MARK1: variants seen among roughly 807,000 people sequenced by gnomAD.
MARK1 encodes microtubule affinity regulating kinase 1.
In MARK1, 40 loss-of-function variants were observed where a neutral mutation model predicts 96.3. The ratio of observed to expected loss-of-function variants is 0.42; its 90% CI spans 0.32 to 0.54. The LOEUF (loss-of-function observed/expected upper bound fraction) is 0.54. Among genes scored for constraint, MARK1 ranks in the 20% least tolerant of loss-of-function variants. The pLI is 0.16. For synonymous variants in MARK1, 317 were observed against 341.2 expected (o/e 0.93, Z 0.78); for missense variants, 719 against 984.6 (o/e 0.73, Z 3.61).
intron 14 of MARK1, among the ~76,000 whole-genome samples, chr1:220,651,668 C>T (rs1439260014): frequency 6.6e-6 from 1 of 152,126 alleles, no homozygotes; most frequent in African/African-American, 2.4e-5. Flanking sequence ...TAAAAAATGA[C>T]TCCAGTCATA....
intron 1 of MARK1, among the ~76,000 whole-genome samples, chr1:220,563,513 A>G (rs975830095): frequency 9.2e-5 from 14 of 152,228 alleles, no homozygotes; most frequent in African/African-American, 3.4e-4. Flanking sequence ...GAAAACAAGT[A>G]AATGATAACT....
chr1:220,583,888 G>A (rs1407980967), intron 3 of MARK1, among the ~76,000 whole-genome samples: 1 of 142,046 alleles, frequency 7.0e-6, no homozygotes, highest in Non-Finnish European at 1.5e-5. Context: ...GGATGGTCTC[G>A]ATCTCCTGAC....
At chr1:220,565,781 AG>A (rs1369145225) in intron 1 of MARK1, among the ~76,000 whole-genome samples, 1 of 152,140 alleles carries the variant, frequency 6.6e-6, no homozygotes, top group Non-Finnish European at 1.5e-5. Flanking sequence ...TATTGTTTTT[AG>A]TTATTGGTAA....
At chr1:220,603,061 CA>C (rs1665845377) in intron 5 of MARK1, among the ~76,000 whole-genome samples, 1 of 151,828 alleles carries the variant, frequency 6.6e-6, no homozygotes, top group Non-Finnish European at 1.5e-5. Flanking sequence ...AAATTCATAC[CA>C]AAATTGGTCT....
At chr1:220,626,887 C>A in intron 9 of MARK1, 1 of 485,116 alleles carries the variant, frequency 2.1e-6, no homozygotes, top group South Asian at 1.7e-5. Context: ...CTTTAACCTG[C>A]CTATGCTGAT....
chr1:220,636,302 T>C (rs1667963968), intron 13 of MARK1, among the ~76,000 whole-genome samples: 2 of 152,176 alleles, frequency 1.3e-5, no homozygotes, highest in East Asian at 3.9e-4. Flanking sequence ...TTTAATATTA[T>C]ATTGGCACAT....
At chr1:220,569,226 C>A (rs1663266561) in intron 1 of MARK1, among the ~76,000 whole-genome samples, 1 of 152,010 alleles carries the variant, frequency 6.6e-6, no homozygotes, top group African/African-American at 2.4e-5. Context: ...CATATTTGCC[C>A]ATTTTAAAAA....
rs149439822 is a variant in MARK1, at chr1:220,571,494, G to A, written c.52-7860G>A. ...ACTGTCACTGACAACATCCACCATC[G>A]TACTATTTAATATGAAAATTCACCT... On this transcript the variant is annotated intron_variant, in intron 1 of 17. Transcript: ENST00000366917. Among the ~76,000 whole-genome samples, 338 of 152,088 alleles carry A rather than the reference G, an allele frequency of 2.2e-3. 1 individual carries two copies. The highest frequency in any genetic ancestry group is 7.6e-3 in the African/African-American group (314 of 41,496).
chr1:220,579,350 T>G lies in MARK1; in HGVS notation c.52-4T>G, dbSNP rs1664075128. ...ACAATGAAATCTTGTAAACTTTTTCTTAGCATACATCTGTGGATGGATATA... is the reference window on the plus strand; with the variant it reads ...ACAATGAAATCTTGTAAACTTTTTCGTAGCATACATCTGTGGATGGATATA... On this transcript the variant is annotated splice_region_variant and splice_polypyrimidine_tract_variant and intron_variant, in intron 1 of 17. Coordinates refer to ENST00000366917, the MANE Select transcript of MARK1 (RefSeq NM_018650.5). 1 of 1,608,730 alleles carries G rather than the reference T, an allele frequency of 6.2e-7. No homozygotes were observed. Among genetic ancestry groups the G allele is most frequent in the Non-Finnish European group, 8.5e-7 (1 of 1,175,636 alleles).
At chr1:220,571,238 C>G (rs1642854932) in intron 1 of MARK1, among the ~76,000 whole-genome samples, 1 of 152,052 alleles carries the variant, frequency 6.6e-6, no homozygotes, top group African/African-American at 2.4e-5. Context: ...GTACTAGTCA[C>G]TATATTGAAT....
intron 1 of MARK1, among the ~76,000 whole-genome samples, chr1:220,567,628 G>T (rs1463544519): frequency 1.3e-5 from 2 of 152,140 alleles, no homozygotes; most frequent in Non-Finnish European, 2.9e-5. Flanking sequence ...AAAGGCATTT[G>T]TTCCACTTTG....
At chr1:220,607,883 C>G (rs569707151) in intron 6 of MARK1, among the ~76,000 whole-genome samples, 1 of 152,248 alleles carries the variant, frequency 6.6e-6, no homozygotes, top group East Asian at 1.9e-4. Context: ...TTGAACTGGC[C>G]TTGCATCCCA....
chr1:220,573,308 TA>T (rs1180423327), intron 1 of MARK1, among the ~76,000 whole-genome samples: 4 of 152,066 alleles, frequency 2.6e-5, no homozygotes, highest in Admixed American at 2.6e-4. Flanking sequence ...CCACAGATCA[TA>T]GAGGCTTTGT....
intron 1 of MARK1, among the ~76,000 whole-genome samples, chr1:220,558,771 A>G (rs1292527235): frequency 2.6e-5 from 4 of 152,102 alleles, no homozygotes; most frequent in Non-Finnish European, 5.9e-5. Context: ...TGATAAAACT[A>G]TAGAAATAAG....
chr1:220,619,194 G>A (rs536661892), intron 9 of MARK1, among the ~76,000 whole-genome samples: 2 of 152,300 alleles, frequency 1.3e-5, no homozygotes, highest in African/African-American at 2.4e-5. Flanking sequence ...AAAATGTAGG[G>A]CTGGGCACGG....
chr1:220,553,900 T>C (rs1306344529), intron 1 of MARK1, among the ~76,000 whole-genome samples: 1 of 152,220 alleles, frequency 6.6e-6, no homozygotes, highest in African/African-American at 2.4e-5. Context: ...TTCAAGTGGC[T>C]AAGCAGCTTG....
rs184789460 is a variant in MARK1, at chr1:220,544,489, T to C, written c.51+15616T>C. The stretch of plus-strand genomic sequence containing the variant: ...CTTCTGCCCTTCTGCCTTTCCACCA[T>C]GGGATGACGCAGGCTGAAGGCCGTC... On this transcript the variant is annotated intron_variant, in intron 1 of 17. Coordinates refer to ENST00000366917, the MANE Select transcript of MARK1 (RefSeq NM_018650.5). Among the ~76,000 whole-genome samples, 105 of 152,306 alleles carry C rather than the reference T, an allele frequency of 6.9e-4. 1 individual carries two copies. The highest frequency in any genetic ancestry group is 1.2e-4 in the Non-Finnish European group (8 of 68,032).
At chr1:220,591,476 AAAG>A (rs1488775972) in intron 3 of MARK1, among the ~76,000 whole-genome samples, 1 of 152,160 alleles carries the variant, frequency 6.6e-6, no homozygotes, top group Admixed American at 6.5e-5. Flanking sequence ...AAGACAAGAG[AAAG>A]AAGAGGAGTT....
In MARK1 at chr1:220,635,918, C is replaced by G; in HGVS notation, c.1362C>G (p.Asp454Glu). Reference protein sequence around the residue: ...SVESEQKEEWDKDVARKLGST... With the variant: ...SVESEQKEEWEKDVARKLGST... ...AAAGTGAACAGAAAGAGGAGTGGGA[C>G]AAAGATGTGGCTCGAAAACTTGGCA... is the stretch of plus-strand genomic sequence containing the variant. Residue 454 changes from aspartate to glutamate, a missense_variant, in exon 13 of 18, where the codon GAC becomes GAG. Coordinates refer to ENST00000366917, the MANE Select transcript of MARK1 (RefSeq NM_018650.5). 6.2e-7 allele frequency: 1 copy of G among 1,613,952 alleles called. No homozygotes were observed. The highest frequency in any genetic ancestry group is 1.1e-5 in the South Asian group (1 of 91,062).
Sources: allele counts gnomAD v4.1 joint callset (sites outside exome capture counted in the v4.1 genomes callset), GRCh38; gene constraint gnomAD v4.1.1; transcripts MANE v1.5; gene names NCBI Gene and HGNC (gene_info 2026-07-23, HGNC 2026-07-21).